STK3: variants seen among roughly 807,000 people sequenced by gnomAD.
STK3 encodes the protein serine/threonine kinase 3, also known as serine/threonine-protein kinase 3.
STK3 carries 41 observed loss-of-function variants against 58.0 expected under a neutral mutation model. The ratio of observed to expected loss-of-function variants is 0.71; its 90% CI spans 0.55 to 0.92. STK3 has a LOEUF of 0.92. Among genes scored for constraint, STK3 ranks in the 40% least tolerant of loss-of-function variants. The pLI, the probability that STK3 is intolerant of heterozygous loss-of-function variation, is 0.00. For missense variants in STK3, 479 were observed against 602.7 expected (o/e 0.79, Z 2.15); for synonymous variants, 170 against 191.0 (o/e 0.89, Z 0.91).
chr8:98,455,615 A>G lies in STK3; in HGVS notation c.*227T>C, dbSNP rs1819434297. On this transcript the variant is annotated 3_prime_UTR_variant, in exon 11 of 11. Coordinates refer to ENST00000419617, the MANE Select transcript of STK3 (RefSeq NM_006281.4). The stretch of plus-strand genomic sequence containing the variant: ...TTATTACTGGTATGCAGCTGACAGA[A>G]CAAGAGAATACACTTCTTTTGTTCT... 1 of 553,558 alleles carries G rather than the reference A, an allele frequency of 1.8e-6. No homozygotes were observed. The highest frequency in any genetic ancestry group is 3.2e-6 in the Non-Finnish European group (1 of 313,380). The allele number at this position is 553,558 out of a possible 1,614,324, so 34.3% of individuals were successfully genotyped here.
intron 2 of STK3, among the ~76,000 whole-genome samples, chr8:98,773,191 T>C (rs1015953014): frequency 5.9e-5 from 9 of 152,168 alleles, no homozygotes; most frequent in Non-Finnish European, 1.3e-4. Flanking sequence ...CTTTTTTCTA[T>C]TATATCTGTC....
At chr8:98,361,193 C>A in the STK3 span, among the ~76,000 whole-genome samples, 2 of 152,186 alleles carry the variant, frequency 1.3e-5, no homozygotes, top group African/African-American at 4.8e-5. Context: ...AAGTGGCCAG[C>A]GCCCTTGGAG....
chr8:98,528,432 C>T (rs903071681), intron 9 of STK3, among the ~76,000 whole-genome samples: 2 of 152,134 alleles, frequency 1.3e-5, no homozygotes, highest in African/African-American at 2.4e-5. Flanking sequence ...CCAGAGACCA[C>T]CAAGAAGGCA....
intron 3 of STK3, among the ~76,000 whole-genome samples, chr8:98,418,353 T>C (rs1321624250): frequency 2.6e-5 from 4 of 152,122 alleles, no homozygotes. Context: ...AAAGCTGTCA[T>C]GGGGAATAGC....
At chr8:98,909,290 G>A (rs1451079009) in intron 1 of STK3, among the ~76,000 whole-genome samples, 1 of 152,090 alleles carries the variant, frequency 6.6e-6, no homozygotes, top group Non-Finnish European at 1.5e-5. Context: ...AAACTATCAG[G>A]ATAGTTGACC....
chr8:98,413,551 G>A, intron 3 of STK3: 1 of 655,518 alleles, frequency 1.5e-6, no homozygotes, highest in South Asian at 1.4e-5. Context: ...ACATCATCTA[G>A]GTCAGAGACA....
At chr8:98,762,723 A>G (rs1830706386) in intron 3 of STK3, among the ~76,000 whole-genome samples, 1 of 152,256 alleles carries the variant, frequency 6.6e-6, no homozygotes, top group Non-Finnish European at 1.5e-5. Flanking sequence ...TTCTCTGCAT[A>G]TAAGCACCAG....
intron 3 of STK3, among the ~76,000 whole-genome samples, chr8:98,763,444 A>C (rs1830755567): frequency 6.6e-6 from 1 of 152,204 alleles, no homozygotes; most frequent in African/African-American, 2.4e-5. Flanking sequence ...AAGACAATTT[A>C]CCAAATTCAC....
chr8:98,906,008 A>T (rs530776330), intron 1 of STK3, among the ~76,000 whole-genome samples: 1 of 152,286 alleles, frequency 6.6e-6, no homozygotes, highest in South Asian at 2.1e-4. Flanking sequence ...AAACTCAGAG[A>T]TTGGCACACG....
intron 6 of STK3, among the ~76,000 whole-genome samples, chr8:98,673,813 C>T (rs1823001329): frequency 6.6e-6 from 1 of 151,980 alleles, no homozygotes; most frequent in African/African-American, 2.4e-5. Context: ...TTTATTAACA[C>T]CATCCAAAAA....
chr8:98,591,720 A>C (rs1305149385), intron 7 of STK3, among the ~76,000 whole-genome samples: 1 of 152,246 alleles, frequency 6.6e-6, no homozygotes, highest in Non-Finnish European at 1.5e-5. Context: ...GTAGCATAAC[A>C]CTATAGTGAA....
intron 6 of STK3, among the ~76,000 whole-genome samples, chr8:98,699,270 T>G (rs1465773388): frequency 6.6e-6 from 1 of 152,218 alleles, no homozygotes; most frequent in Non-Finnish European, 1.5e-5. Context: ...CTTCTAAATT[T>G]TTTTCAAAGT....
In STK3 at chr8:98,767,191, T is replaced by C. The variant is rs1017871300; in HGVS notation, c.236+52A>G. ...AAGAATAAATTTTGTTATATTTTAT[T>C]AGCAAAACTCGTCAAAACAAGGGTA... On this transcript the variant is annotated intron_variant, in intron 3 of 10. Transcript: ENST00000419617. 6.0e-6 allele frequency: 9 copies of C among 1,494,356 alleles called. No individual in the cohort carries two copies. In the East Asian group the frequency reaches 7.2e-5, roughly 12 times the overall value. 92.6% of individuals were successfully genotyped at this position (1,494,356 alleles called of 1,614,324 possible).
At chr8:98,696,568 C>G (rs1294206980) in intron 6 of STK3, among the ~76,000 whole-genome samples, 59 of 152,110 alleles carry the variant, frequency 3.9e-4, no homozygotes, top group South Asian at 1.9e-3. Flanking sequence ...TAGCATGAAG[C>G]ATTGTTGAAT....
intron 6 of STK3, among the ~76,000 whole-genome samples, chr8:98,696,751 C>T (rs1283715677): frequency 1.3e-5 from 2 of 151,994 alleles, no homozygotes; most frequent in African/African-American, 4.8e-5. Flanking sequence ...CTGCTGGATT[C>T]GTTTTGCCAG....
In STK3 at chr8:98,428,311, A is replaced by G; in HGVS notation, n.483+5816T>C. ...CAGGAGATCGAGTACTGGGGCATCA[A>G]CGAGTTCTTCATTGACTCCTGCTGC... is the stretch of plus-strand genomic sequence containing the variant. On this transcript the variant is annotated intron_variant and non_coding_transcript_variant, in intron 3 of 3. Transcript: ENST00000517832. This position sits in a 1 kb window ranked among gnomAD's most constrained non-coding sequence, Gnocchi z 6.7. The G allele has an allele frequency of 6.2e-7, 1 of 1,614,106 alleles. No homozygotes were observed. The highest frequency in any genetic ancestry group is 8.5e-7 in the Non-Finnish European group (1 of 1,180,020).
At chr8:98,737,487 A>C (rs1249213220) in intron 4 of STK3, among the ~76,000 whole-genome samples, 1 of 152,210 alleles carries the variant, frequency 6.6e-6, no homozygotes, top group Non-Finnish European at 1.5e-5. Flanking sequence ...TGAATAGAAA[A>C]TAAATAAGCA....
At chr8:98,655,274 C>T (rs187814568) in intron 6 of STK3, among the ~76,000 whole-genome samples, 24 of 152,272 alleles carry the variant, frequency 1.6e-4, no homozygotes, top group African/African-American at 4.8e-4. Context: ...GGAAAACTGG[C>T]TAGCGACATG....
At chr8:98,869,861 A>T (rs1304654422) in intron 3 of STK3, among the ~76,000 whole-genome samples, 24 of 144,558 alleles carry the variant, frequency 1.7e-4, no homozygotes, top group Admixed American at 1.6e-3. Flanking sequence ...TATTATTATT[A>T]TACTTTAAGT....
Sources: allele counts gnomAD v4.1 joint callset (sites outside exome capture counted in the v4.1 genomes callset), GRCh38; gene constraint gnomAD v4.1.1; non-coding constraint Gnocchi (gnomAD v3.1); transcripts MANE v1.5; gene names NCBI Gene and HGNC (gene_info 2026-07-23, HGNC 2026-07-21).